Variants in CLEC16A observed in about 807,000 individuals in gnomAD.
CLEC16A encodes the protein C-type lectin domain containing 16A.
CLEC16A carries 51 observed loss-of-function variants against 109.5 expected under a neutral mutation model. That is an observed-to-expected ratio of 0.47 (90% confidence interval 0.37 to 0.59). The LOEUF (loss-of-function observed/expected upper bound fraction) is 0.59. Among genes scored for constraint, CLEC16A ranks in the 20% least tolerant of loss-of-function variants. The probability of loss-of-function intolerance (pLI) is 0.00; values close to 1 mark genes in which losing one functional copy is unlikely to be tolerated. For synonymous variants in CLEC16A, 673 were observed against 564.2 expected (o/e 1.19, Z -2.73); for missense variants, 1,339 against 1,394.0 (o/e 0.96, Z 0.63).
intron 10 of CLEC16A, among the ~76,000 whole-genome samples, chr16:10,987,653 A>G (rs945083713): frequency 1.3e-5 from 2 of 152,162 alleles, no homozygotes; most frequent in African/African-American, 4.8e-5. Flanking sequence ...TCTGATGACT[A>G]TCGTTCAGGT....
Position 11,178,305 on chromosome 16 carries a change from T to G in CLEC16A, c.2807-30T>G. On this transcript the variant is annotated intron_variant, in intron 23 of 23. Transcript: ENST00000409790. The surrounding 1 kb of genome is among the most constrained non-coding windows in gnomAD (Gnocchi z 6.5). ...GCGACGGGGTGTCTCAAGGGCTCAG[T>G]GTGTTTCCGGTTTTTCTCCCCCAAT... 6.4e-7 allele frequency: 1 copy of G among 1,569,816 alleles called. No homozygotes were observed. The highest frequency in any genetic ancestry group is 1.3e-5 in the African/African-American group (1 of 74,314).
intron 22 of CLEC16A, among the ~76,000 whole-genome samples, chr16:11,131,181 C>T (rs879472769): frequency 1.3e-5 from 2 of 152,176 alleles, no homozygotes; most frequent in African/African-American, 2.4e-5. Context: ...CAGGCATGGC[C>T]AGGCCTAGAC....
intron 17 of CLEC16A, among the ~76,000 whole-genome samples, chr16:11,048,951 G>A (rs547833072): frequency 2.0e-5 from 3 of 152,082 alleles, no homozygotes; most frequent in Non-Finnish European, 4.4e-5. Context: ...CCCCTGCTCA[G>A]TGTCTGCTTT....
At chr16:11,017,586 A>G (rs1374925767) in intron 11 of CLEC16A, among the ~76,000 whole-genome samples, 1 of 152,176 alleles carries the variant, frequency 6.6e-6, no homozygotes, top group African/African-American at 2.4e-5. Context: ...GAGGAGGAAA[A>G]GTGACTTCAC....
chr16:11,081,468 A>G (rs1296188967), intron 19 of CLEC16A, among the ~76,000 whole-genome samples: 1 of 152,006 alleles, frequency 6.6e-6, no homozygotes, highest in Non-Finnish European at 1.5e-5. Context: ...GCCTCCAGGT[A>G]GGGCTCCTCC....
At chr16:10,959,211 T>C (rs780533031) in intron 2 of CLEC16A, among the ~76,000 whole-genome samples, 5 of 152,170 alleles carry the variant, frequency 3.3e-5, no homozygotes, top group Non-Finnish European at 5.9e-5. Context: ...TTCCTGAATA[T>C]AGGTTCAGGG....
intron 19 of CLEC16A, among the ~76,000 whole-genome samples, chr16:11,072,321 G>A (rs1168555341): frequency 2.6e-5 from 4 of 151,882 alleles, no homozygotes; most frequent in Non-Finnish European, 4.4e-5. Context: ...GTCTCTCTAT[G>A]TTGCCCAGGC....
At chr16:11,007,466 C>G (rs1025570514) in intron 11 of CLEC16A, among the ~76,000 whole-genome samples, 4 of 152,142 alleles carry the variant, frequency 2.6e-5, no homozygotes, top group African/African-American at 4.8e-5. Flanking sequence ...GATCTGAATC[C>G]CAGCTCTGCC....
chr16:11,134,740 G>C (rs185772632), intron 22 of CLEC16A, among the ~76,000 whole-genome samples: 1 of 152,228 alleles, frequency 6.6e-6, no homozygotes, highest in African/African-American at 2.4e-5. Context: ...TGGATTTTCA[G>C]ATTTGGATTG....
At chr16:11,177,529 G>C (rs894601450) in intron 23 of CLEC16A, among the ~76,000 whole-genome samples, 3 of 151,980 alleles carry the variant, frequency 2.0e-5, no homozygotes, top group Non-Finnish European at 4.4e-5. Flanking sequence ...GACCCCGGGA[G>C]GTGGAAGTTG....
chr16:10,962,350 G>C, intron 2 of CLEC16A, 105 bp from the exon 3 acceptor site: 1 of 1,394,116 alleles, frequency 7.2e-7, no homozygotes, highest in Non-Finnish European at 1.0e-6. Context: ...GATACCTTGG[G>C]GGAGAGGGGT....
chr16:11,133,237 G>A (rs2153051705), intron 22 of CLEC16A, among the ~76,000 whole-genome samples: 1 of 152,166 alleles, frequency 6.6e-6, no homozygotes, highest in East Asian at 1.9e-4. Context: ...TACTCGGGAG[G>A]CTGAGGCAGG....
chr16:11,015,359 G>T (rs2045683589), intron 11 of CLEC16A, among the ~76,000 whole-genome samples: 1 of 152,148 alleles, frequency 6.6e-6, no homozygotes, highest in Non-Finnish European at 1.5e-5. Context: ...GAGCGGTCCT[G>T]GCTTTGCTGC....
intron 18 of CLEC16A, among the ~76,000 whole-genome samples, chr16:11,054,139 T>A (rs2048090702): frequency 6.6e-6 from 1 of 152,214 alleles, no homozygotes; most frequent in South Asian, 2.1e-4. Flanking sequence ...ACGGGAGCCT[T>A]GGAGCCCCTT....
chr16:11,029,495 G>C (rs1597117584), intron 13 of CLEC16A, among the ~76,000 whole-genome samples: 2 of 152,148 alleles, frequency 1.3e-5, no homozygotes, highest in East Asian at 3.9e-4. Flanking sequence ...CACAGTCTTT[G>C]GGTTTTCTAT....
rs143874858 is a variant in CLEC16A, at chr16:11,042,484, A to T, written c.1770+121A>T. ...GTGGTGTCATCGGTCACCAGCTAGA[A>T]GCAGCAGGGGCTGCTCTCTTGAGAC... On this transcript the variant is annotated intron_variant, in intron 15 of 23. Coordinates refer to ENST00000409790, the MANE Select transcript of CLEC16A (RefSeq NM_015226.3). 18 of 699,454 alleles carry T rather than the reference A, an allele frequency of 2.6e-5. No individual in the cohort carries two copies. The African/African-American group carries it at 2.7e-4, about 10-fold the overall frequency. 43.3% of individuals were successfully genotyped at this position (699,454 alleles called of 1,614,324 possible).
chr16:11,134,675 C>T (rs1408879824), intron 22 of CLEC16A, among the ~76,000 whole-genome samples: 2 of 152,198 alleles, frequency 1.3e-5, no homozygotes, highest in Non-Finnish European at 2.9e-5. Context: ...ATCTGAAATG[C>T]TCCGATGTGT....
chr16:11,088,034 C>T (rs1472500517), intron 19 of CLEC16A, among the ~76,000 whole-genome samples: 1 of 152,246 alleles, frequency 6.6e-6, no homozygotes, highest in Admixed American at 6.5e-5. Context: ...TTCAGATCCT[C>T]TTTCCATACA....
intron 13 of CLEC16A, among the ~76,000 whole-genome samples, chr16:11,032,079 C>A (rs181850757): frequency 3.1e-4 from 47 of 152,274 alleles, no homozygotes; most frequent in Non-Finnish European, 5.7e-4. Flanking sequence ...GGGTCACTTG[C>A]CTGGTGGTGA....
Sources: gnomAD v4.1 joint callset for allele counts (sites outside exome capture counted in the v4.1 genomes callset) on GRCh38, gnomAD v4.1.1 for gene constraint, Gnocchi (gnomAD v3.1) non-coding constraint, MANE v1.5 for transcripts, NCBI Gene and HGNC (gene_info 2026-07-23, HGNC 2026-07-21) for gene names.